The following RUNX1 variants were observed in gnomAD, a reference collection of about 807,000 sequenced individuals.
The protein encoded by RUNX1 is RUNX family transcription factor 1.
RUNX1 carries 19 observed loss-of-function variants against 42.8 expected under a neutral mutation model. The observed-to-expected ratio is 0.44, with a 90% CI of 0.31 to 0.65. The LOEUF (loss-of-function observed/expected upper bound fraction) is 0.65, where lower values mean the gene tolerates loss of function less well. Among genes scored for constraint, RUNX1 ranks in the 30% least tolerant of loss-of-function variants. The pLI is 0.07. For missense variants in RUNX1, 528 were observed against 672.0 expected, an observed-to-expected ratio of 0.79 and a Z score of 2.37; for synonymous variants, 271 against 289.4, an observed-to-expected ratio of 0.94 and a Z score of 0.64.
chr21:34,817,436 C>T (rs1031316154), intron 7 of RUNX1, among the ~76,000 whole-genome samples: 2 of 152,162 alleles, frequency 1.3e-5, no homozygotes, highest in African/African-American at 2.4e-5. Flanking sequence ...CCTGTTGTGT[C>T]GCTGAGGCCA....
At chr21:34,915,459 C>T (rs946208470) in intron 2 of RUNX1, among the ~76,000 whole-genome samples, 2 of 152,202 alleles carry the variant, frequency 1.3e-5, no homozygotes, top group Non-Finnish European at 2.9e-5. Flanking sequence ...ACCATTCATT[C>T]TTCCTTGTCC....
chr21:34,841,109 A>T (rs76004476), intron 6 of RUNX1, among the ~76,000 whole-genome samples: 1 of 152,164 alleles, frequency 6.6e-6, no homozygotes, highest in East Asian at 1.9e-4. Context: ...AAACAATGAG[A>T]CATCTGCCCT....
chr21:34,991,945 G>A (rs950888497), intron 2 of RUNX1, among the ~76,000 whole-genome samples: 1 of 152,192 alleles, frequency 6.6e-6, no homozygotes. Flanking sequence ...GCTAAGGAGT[G>A]CTGGCAACTG....
chr21:34,931,107 A>G (rs1294012766), intron 2 of RUNX1, among the ~76,000 whole-genome samples: 2 of 152,022 alleles, frequency 1.3e-5, no homozygotes, highest in Non-Finnish European at 2.9e-5. Context: ...GAGTTTCTCT[A>G]TGTGATTCTT....
intron 4 of RUNX1, among the ~76,000 whole-genome samples, chr21:34,886,182 T>C (rs1205218602): frequency 6.6e-6 from 1 of 152,208 alleles, no homozygotes; most frequent in Non-Finnish European, 1.5e-5. Flanking sequence ...GAGCTGATGA[T>C]AGCATTCAGA....
Position 34,978,937 on chromosome 21 carries a change from TACACAC to T in RUNX1, c.58+69899_58+69904del, listed in dbSNP as rs10673190. On this transcript the variant is annotated intron_variant, in intron 2 of 8. Coordinates refer to ENST00000675419, the MANE Select transcript of RUNX1 (RefSeq NM_001754.5). ...TTCTCAGACAAAACACACACACAGATACACACACACACACACACACACACACACACA... is the reference window on the plus strand; with the variant it reads ...TTCTCAGACAAAACACACACACAGATACACACACACACACACACACACACA... 4.5e-4 allele frequency among the ~76,000 whole-genome samples: 61 copies of T among 134,146 alleles called. 1 individual carries two copies. Among genetic ancestry groups the T allele is most frequent in the South Asian group, 3.3e-3 (13 of 3,936 alleles). 88.0% of individuals were successfully genotyped at this position (134,146 alleles called of 152,430 possible). A position where few individuals can be genotyped will look rare whatever the true frequency, so the allele number is the denominator to read the frequency against.
At position 34,895,721 on chromosome 21, in the gene RUNX1, G is replaced by A. The variant is rs531714715; in HGVS notation, c.59-2758C>T. ...TAGGTTTGAGACCAGGTTGGGGAGT[G>A]GGGGAGGGAGTGCAGCAGTTCAAAA... On this transcript the variant is annotated intron_variant, in intron 2 of 8. Coordinates refer to ENST00000675419, the MANE Select transcript of RUNX1 (RefSeq NM_001754.5). Among the ~76,000 whole-genome samples, 11 of 152,154 alleles carry A rather than the reference G, an allele frequency of 7.2e-5. No homozygotes were observed. In the South Asian group the frequency reaches 2.1e-3, roughly 29 times the overall value.
At chr21:34,821,821 G>T in intron 7 of RUNX1, 2 of 779,532 alleles carry the variant, frequency 2.6e-6, no homozygotes, top group Non-Finnish European at 3.8e-6. Flanking sequence ...ATCAGGAAGA[G>T]ATTCTGGAAT....
chr21:34,825,869 G>A (rs2056979732), intron 7 of RUNX1, among the ~76,000 whole-genome samples: 1 of 152,216 alleles, frequency 6.6e-6, no homozygotes, highest in African/African-American at 2.4e-5. Context: ...GCCATATAAA[G>A]AGGGAAGAAG....
chr21:34,924,714 T>C lies in RUNX1; in HGVS notation c.59-31751A>G, dbSNP rs76646604. On this transcript the variant is annotated intron_variant, in intron 2 of 8. Coordinates refer to ENST00000675419, the MANE Select transcript of RUNX1 (RefSeq NM_001754.5). ...TTTATCTCTTTCCTGAAATTTCCAT[T>C]TCTTCCCTGTCTCAATCAGCTTGGG... 4.6e-3 allele frequency among the ~76,000 whole-genome samples: 699 copies of C among 152,328 alleles called. 3 individuals carry two copies. Among genetic ancestry groups the C allele is most frequent in the African/African-American group, 0.015 (637 of 41,566 alleles).
At chr21:34,850,431 A>C (rs961892251) in intron 6 of RUNX1, among the ~76,000 whole-genome samples, 5 of 152,234 alleles carry the variant, frequency 3.3e-5, no homozygotes, top group African/African-American at 1.2e-4. Flanking sequence ...GATCCCAGGC[A>C]CGCTTGGGAG....
chr21:34,953,803 A>C (rs1240172870), intron 2 of RUNX1, among the ~76,000 whole-genome samples: 1 of 152,196 alleles, frequency 6.6e-6, no homozygotes, highest in African/African-American at 2.4e-5. Context: ...TGAAAACATA[A>C]ACTCAGTGGG....
intron 4 of RUNX1, 59 bp downstream of exon 4, chr21:34,886,784 A>G (rs2146406414): frequency 6.2e-7 from 1 of 1,609,268 alleles, no homozygotes; most frequent in South Asian, 1.1e-5. Context: ...GCCCTCGCGG[A>G]TCTCCCCCGG....
chr21:34,871,165 C>T (rs80141579), intron 5 of RUNX1, among the ~76,000 whole-genome samples: 2 of 152,262 alleles, frequency 1.3e-5, no homozygotes, highest in African/African-American at 4.8e-5. Context: ...GTCTCCGTTC[C>T]TACACACACC....
chr21:34,859,191 GC>G (rs1186816363), intron 6 of RUNX1: 2 of 473,716 alleles, frequency 4.2e-6, no homozygotes, highest in Admixed American at 3.4e-5. Flanking sequence ...TATTGAGGAA[GC>G]AGTCCTTAGT....
rs528819858 is a variant in RUNX1 at position 34,815,820 on chromosome 21, CTT to C, written c.806-16360_806-16359del. ...GCAGCCTCCGATGAGGCTGAGCAGTCTTTAGAGGAAGGAAGATGAAAAGAAAG... is the reference window on the plus strand; with the variant it reads ...GCAGCCTCCGATGAGGCTGAGCAGTCTAGAGGAAGGAAGATGAAAAGAAAG... On this transcript the variant is annotated intron_variant, in intron 7 of 8. Transcript: ENST00000675419. Among the ~76,000 whole-genome samples the C allele has an allele frequency of 2.4e-4, 37 of 152,110 alleles. No homozygotes were observed. The South Asian group carries it at 7.7e-3, about 32-fold the overall frequency.
At chr21:35,016,796 C>T (rs903781838) in intron 2 of RUNX1, among the ~76,000 whole-genome samples, 1 of 152,012 alleles carries the variant, frequency 6.6e-6, no homozygotes, top group African/African-American at 2.4e-5. Context: ...CATGTCCTTC[C>T]CATCCAAGAG....
intron 2 of RUNX1, among the ~76,000 whole-genome samples, chr21:34,992,793 C>A (rs1473431266): frequency 1.3e-5 from 2 of 152,200 alleles, no homozygotes; most frequent in African/African-American, 4.8e-5. Flanking sequence ...CAGTGCCCAG[C>A]AAGCTCAGAC....
At chr21:34,822,182 T>G (rs1234431583) in intron 7 of RUNX1, among the ~76,000 whole-genome samples, 1 of 152,138 alleles carries the variant, frequency 6.6e-6, no homozygotes, top group Non-Finnish European at 1.5e-5. Context: ...ACTTACATGA[T>G]AGATGAGGGA....
Sources: gnomAD v4.1 joint callset for allele counts (sites outside exome capture counted in the v4.1 genomes callset) on GRCh38, gnomAD v4.1.1 for gene constraint, MANE v1.5 for transcripts, NCBI Gene and HGNC (gene_info 2026-07-23, HGNC 2026-07-21) for gene names.